Variants in DOT1L observed in about 807,000 individuals in gnomAD.
DOT1L encodes DOT1 like histone lysine methyltransferase.
A neutral mutation model predicts 153.3 loss-of-function variants in DOT1L; 33 were observed. The observed-to-expected ratio is 0.22, with a 90% CI of 0.16 to 0.29. The LOEUF (loss-of-function observed/expected upper bound fraction) is 0.29. Ranked by LOEUF, DOT1L falls within the 10% of genes least tolerant of loss-of-function variation. The pLI is 1.00. For synonymous variants in DOT1L, 1,135 were observed against 965.1 expected (o/e 1.18, Z -3.26); for missense variants, 1,847 against 2,119.9 (o/e 0.87, Z 2.53).
Position 2,197,744 on chromosome 19 carries a change from G to A in DOT1L, c.652-2140G>A, listed in dbSNP as rs1014676159. On this transcript the variant is annotated intron_variant, in intron 7 of 27. Coordinates refer to ENST00000398665, the MANE Select transcript of DOT1L (RefSeq NM_032482.3). The surrounding 1 kb of genome is among the most constrained non-coding windows in gnomAD (Gnocchi z 4.1). Reference sequence around the variant, plus strand: ...AAGCGTGGCATTCTTCGTGGCTTTGGCAACACGTGTCAGAAAGAACCTGGT... The same window carrying A: ...AAGCGTGGCATTCTTCGTGGCTTTGACAACACGTGTCAGAAAGAACCTGGT... Among the ~76,000 whole-genome samples, 3 of 152,170 alleles carry A rather than the reference G, an allele frequency of 2.0e-5. No individual in the cohort carries two copies. Among genetic ancestry groups the A allele is most frequent in the African/African-American group, 7.2e-5 (3 of 41,436 alleles).
In DOT1L at chr19:2,210,664, A is replaced by G; in HGVS notation, c.1160A>G (p.Lys387Arg). 6.2e-7 allele frequency: 1 copy of G among 1,612,946 alleles called. No individual in the cohort carries two copies. The highest frequency in any genetic ancestry group is 8.5e-7 in the Non-Finnish European group (1 of 1,179,874). Residue 387 changes from lysine to arginine, a missense_variant, in exon 14 of 28, where the codon AAG (lysine) becomes AGG (arginine). This residue lies in a region of DOT1L where 205 missense variants were observed against 203.1 expected (regional missense o/e 1.01). Coordinates refer to ENST00000398665, the MANE Select transcript of DOT1L (RefSeq NM_032482.3). ...GAGAAGGCGGGAGCAGCCACCGTGA[A>G]GAAGCCGTCTCCCTCCAAAGCCCGC... ...EEEKAGAATV[K>R]KPSPSKARKK...
rs951636242 is a variant in DOT1L, at chr19:2,226,557, G to A, written c.4036G>A (p.Gly1346Ser). The change falls in exon 27 of 28, where the codon GGC becomes AGC. Residue 1346 changes from glycine (G) to serine (S), a missense_variant. Coordinates refer to ENST00000398665, the MANE Select transcript of DOT1L (RefSeq NM_032482.3). The part of the protein sequence containing the change: ...SLPHKGPEAA[G>S]LSSPLSFPSQ... ...TCCCCACAAGGGCCCCGAGGCGGCC[G>A]GCCTGAGCTCCCCGCTGAGCTTCCC... is the stretch of plus-strand genomic sequence containing the variant. 4.2e-5 allele frequency: 68 copies of A among 1,600,344 alleles called. No individual in the cohort carries two copies. Among genetic ancestry groups the A allele is most frequent in the Middle Eastern group, 1.6e-4 (1 of 6,080 alleles).
chr19:2,216,256 C>T (rs773924289), intron 19 of DOT1L, 25 bp from the exon 20 acceptor site: 2 of 1,545,704 alleles, frequency 1.3e-6, no homozygotes, highest in Middle Eastern at 1.7e-4. Context: ...GTGGGGCGGG[C>T]CTGACACCAT....
chr19:2,223,115 G>A (rs1448005967), intron 24 of DOT1L, among the ~76,000 whole-genome samples, 166 bp from the exon 25 acceptor site: 1 of 151,988 alleles, frequency 6.6e-6, no homozygotes, highest in East Asian at 1.9e-4. Flanking sequence ...TGGTGTGTGA[G>A]GACCAGGAAG....
At chr19:2,194,431 A>G (rs897670461) in intron 6 of DOT1L, 84 bp from the exon 7 acceptor site, 4 of 1,521,964 alleles carry the variant, frequency 2.6e-6, no homozygotes, top group Middle Eastern at 1.8e-4. Flanking sequence ...TCAGCCTCCC[A>G]AAGTGCCGGG....
intron 1 of DOT1L, among the ~76,000 whole-genome samples, chr19:2,164,721 G>T (rs1208663069): frequency 6.6e-6 from 1 of 151,972 alleles, no homozygotes; most frequent in African/African-American, 2.4e-5. Context: ...TTTCCTACTC[G>T]GGCACGGCGG....
At chr19:2,188,480 G>GCCCC (rs375314788) in intron 3 of DOT1L, among the ~76,000 whole-genome samples, 8 of 66,982 alleles carry the variant, frequency 1.2e-4, no homozygotes, top group African/African-American at 2.1e-4. Context: ...CCCAGCCGCC[G>GCCCC]CCCCCCCCCC....
At chr19:2,180,295 G>A (rs2022170877) in intron 1 of DOT1L, among the ~76,000 whole-genome samples, 1 of 152,210 alleles carries the variant, frequency 6.6e-6, no homozygotes, top group Admixed American at 6.5e-5. Flanking sequence ...AGCGTCGGGA[G>A]AATTCCCGGT....
rs534270938 is a variant in DOT1L at position 2,211,004 on chromosome 19, C to T, written c.1352-95C>T. 3.5e-4 allele frequency: 519 copies of T among 1,467,784 alleles called. 10 individuals are homozygous for T. In the South Asian group the frequency reaches 6.1e-3, roughly 17 times the overall value. 90.9% of individuals were successfully genotyped at this position (1,467,784 alleles called of 1,614,324 possible). A position where few individuals can be genotyped will look rare whatever the true frequency, so the allele number is the denominator to read the frequency against. On this transcript the variant is annotated intron_variant, in intron 14 of 27. Transcript: ENST00000398665. ...GGCTGTGCCTTCAGGGTGGCCCCAT[C>T]CTAAGGGGTTGCTGGGCACCTGCCC...
At chr19:2,176,086 T>C (rs934237461) in intron 1 of DOT1L, among the ~76,000 whole-genome samples, 7 of 152,100 alleles carry the variant, frequency 4.6e-5, no homozygotes, top group African/African-American at 1.7e-4. Context: ...CCGAGGCTGC[T>C]TTTACTAGAC....
At position 2,217,104 on chromosome 19, in the gene DOT1L, C is replaced by T. The variant is rs916503286; in HGVS notation, c.2544+14C>T. The T allele has an allele frequency of 6.3e-7, 1 of 1,577,594 alleles. No individual in the cohort carries two copies. The highest frequency in any genetic ancestry group is 1.1e-5 in the South Asian group (1 of 89,348). The stretch of plus-strand genomic sequence containing the variant: ...AGCAGTGAGAAGGTGCGGGCCGCGA[C>T]CCCTGCCCCGGGCTCAGGGAGGTGC... On this transcript the variant is annotated intron_variant, in intron 21 of 27. Transcript: ENST00000398665. The surrounding 1 kb of genome is among the most constrained non-coding windows in gnomAD (Gnocchi z 7.3).
intron 2 of DOT1L, among the ~76,000 whole-genome samples, chr19:2,181,929 TA>T (rs1352805671): frequency 6.6e-6 from 1 of 152,132 alleles, no homozygotes; most frequent in African/African-American, 2.4e-5. Context: ...GCAGTCTTTT[TA>T]AGAATGCTCA....
At chr19:2,221,755 C>G (rs980420088) in intron 23 of DOT1L, 24 of 551,336 alleles carry the variant, frequency 4.4e-5, no homozygotes, top group Admixed American at 6.4e-5. Context: ...ACAGGCAGCC[C>G]AGATGGGCGG....
At position 2,230,158 on chromosome 19, in the gene DOT1L, C is replaced by T. The variant is rs1425607676; in HGVS notation, c.*366C>T. Reference sequence around the variant, plus strand: ...CCAGCGGATTCGCCACAGCCTGCCCCGGTGCTATCTCGTCCCCAGGCCCGC... The same window carrying T: ...CCAGCGGATTCGCCACAGCCTGCCCTGGTGCTATCTCGTCCCCAGGCCCGC... On this transcript the variant is annotated 3_prime_UTR_variant, in exon 28 of 28. Transcript: ENST00000398665. 8 of 504,440 alleles carry T rather than the reference C, an allele frequency of 1.6e-5. No homozygotes were observed. Among genetic ancestry groups the T allele is most frequent in the East Asian group, 3.3e-5 (1 of 30,270 alleles). The allele number at this position is 504,440 out of a possible 1,614,324, so 31.2% of individuals were successfully genotyped here. A position where few individuals can be genotyped will look rare whatever the true frequency, so the allele number is the denominator to read the frequency against.
rs2022482904 is a variant in DOT1L, at chr19:2,185,900, T to C, written c.171T>C (p.Asn57=). The stretch of plus-strand genomic sequence containing the variant: ...CGGATCTCAAGCTCGCTATGGAGAA[T>C]TACGTTTTAATTGACTATGACACCA... ...EIPDLKLAME[N]YVLIDYDTKS... The change falls in exon 3 of 28, where the codon AAT becomes AAC. Residue 57 remains asparagine, a synonymous_variant. Transcript: ENST00000398665. 2.5e-6 allele frequency: 4 copies of C among 1,614,004 alleles called. No individual in the cohort carries two copies. The highest frequency in any genetic ancestry group is 2.7e-5 in the African/African-American group (2 of 74,918).
intron 22 of DOT1L, among the ~76,000 whole-genome samples, chr19:2,219,801 G>T (rs1243811533): frequency 6.6e-6 from 1 of 152,158 alleles, no homozygotes; most frequent in Non-Finnish European, 1.5e-5. Context: ...GGTGAGGGCG[G>T]GCTGTGGGTT....
At chr19:2,180,686 C>T (rs571908714) in intron 1 of DOT1L, 27 bp from the exon 2 acceptor site, 9 of 1,613,486 alleles carry the variant, frequency 5.6e-6, no homozygotes, top group East Asian at 2.2e-5. Context: ...GATGGCTCTG[C>T]GTCTCAAACT....
chr19:2,219,615 C>A lies in DOT1L; in HGVS notation c.2692-493C>A, dbSNP rs1418186758. On this transcript the variant is annotated intron_variant, in intron 22 of 27. Transcript: ENST00000398665. The stretch of plus-strand genomic sequence containing the variant: ...TGTGGATGTAGGTTTGCTCTTTGGC[C>A]CATGTGGGAGTGGAGCTACTGGGTT... Among the ~76,000 whole-genome samples, 4 of 152,296 alleles carry A rather than the reference C, an allele frequency of 2.6e-5. No individual in the cohort carries two copies. In the East Asian group the frequency reaches 5.8e-4, roughly 22 times the overall value.
chr19:2,186,356 A>G (rs1439396415), intron 3 of DOT1L, among the ~76,000 whole-genome samples: 1 of 150,848 alleles, frequency 6.6e-6, no homozygotes, highest in Non-Finnish European at 1.5e-5. Flanking sequence ...TGCGTTAGCA[A>G]TTTCGCCCTG....
Sources: allele counts gnomAD v4.1 joint callset (sites outside exome capture counted in the v4.1 genomes callset), GRCh38; gene constraint gnomAD v4.1.1; regional missense constraint gnomAD v4.1.1; non-coding constraint Gnocchi (gnomAD v3.1); transcripts MANE v1.5; gene names NCBI Gene and HGNC (gene_info 2026-07-23, HGNC 2026-07-21).